CATSPER3: variants seen among roughly 807,000 people sequenced by gnomAD.
The protein encoded by CATSPER3 is cation channel sperm associated 3, also known as cation channel sperm-associated protein 3.
A neutral mutation model predicts 36.6 loss-of-function variants in CATSPER3; 23 were observed. The ratio of observed to expected loss-of-function variants is 0.63; its 90% CI spans 0.45 to 0.89. CATSPER3 has a LOEUF of 0.89. Ranked by LOEUF, CATSPER3 falls within the 40% of genes least tolerant of loss-of-function variation. The probability of loss-of-function intolerance (pLI) is 0.00; values close to 1 mark genes in which losing one functional copy is unlikely to be tolerated. For missense variants in CATSPER3, 474 were observed against 503.9 expected (o/e 0.94, Z 0.57); for synonymous variants, 172 against 184.1 (o/e 0.93, Z 0.53).
intron 2 of CATSPER3, chr5:134,995,967 A>G (rs953067674): frequency 6.7e-6 from 3 of 445,356 alleles, no homozygotes; most frequent in Non-Finnish European, 1.3e-5. Context: ...CCCTTGGGAA[A>G]CCTTATATTC....
intron 4 of CATSPER3, among the ~76,000 whole-genome samples, chr5:135,008,619 C>A (rs968891911): frequency 6.6e-6 from 1 of 152,158 alleles, no homozygotes; most frequent in Non-Finnish European, 1.5e-5. Context: ...AGAAAAGAGA[C>A]CTCGAGGCAT....
At position 134,970,047 on chromosome 5, in the gene CATSPER3, G is replaced by A. The variant is rs773924046; in HGVS notation, c.207G>A (p.Leu69=). The change falls in exon 2 of 8, where the codon TTG becomes TTA. Residue 69 remains leucine (L), a synonymous_variant. Coordinates refer to ENST00000282611, the MANE Select transcript of CATSPER3 (RefSeq NM_178019.3). ...CATCGAATGCGTTTTTTATGGCCTT[G>A]TGGACCAGTTATGACATAAGGTACC... ...TVTSNAFFMA[L]WTSYDIRYRL... 7.4e-6 allele frequency: 12 copies of A among 1,613,954 alleles called. No homozygotes were observed. Among genetic ancestry groups the A allele is most frequent in the Non-Finnish European group, 1.0e-5 (12 of 1,180,000 alleles).
chr5:135,003,027 C>T (rs1405566219), intron 3 of CATSPER3, among the ~76,000 whole-genome samples: 1 of 152,218 alleles, frequency 6.6e-6, no homozygotes, highest in Non-Finnish European at 1.5e-5. Context: ...GGGACAGGTG[C>T]TCTGATTTTT....
Position 135,003,707 on chromosome 5 carries a change from G to A in CATSPER3, c.493-4250G>A, listed in dbSNP as rs184489803. The stretch of plus-strand genomic sequence containing the variant: ...CCTTGCAGTTCAATCTCAGACTGCT[G>A]TGCTAGCAATAAGCAAGTCTCCGTG... On this transcript the variant is annotated intron_variant, in intron 3 of 7. Transcript: ENST00000282611. Among the ~76,000 whole-genome samples, 252 of 152,364 alleles carry A rather than the reference G, an allele frequency of 1.7e-3. 1 individual carries two copies. The highest frequency in any genetic ancestry group is 3.1e-3 in the Non-Finnish European group (214 of 68,032).
At chr5:134,978,585 T>G (rs1751709584) in intron 2 of CATSPER3, among the ~76,000 whole-genome samples, 1 of 152,136 alleles carries the variant, frequency 6.6e-6, no homozygotes, top group Admixed American at 6.5e-5. Flanking sequence ...CCACTCCTAT[T>G]TAACATCATA....
intron 2 of CATSPER3, among the ~76,000 whole-genome samples, chr5:134,989,430 G>A (rs1355478727): frequency 6.6e-6 from 1 of 152,210 alleles, no homozygotes; most frequent in African/African-American, 2.4e-5. Flanking sequence ...TTGAAAATCT[G>A]TGGTTGAGTG....
chr5:135,003,692 C>T (rs993743972), intron 3 of CATSPER3, among the ~76,000 whole-genome samples: 5 of 152,224 alleles, frequency 3.3e-5, no homozygotes, highest in African/African-American at 1.2e-4. Context: ...CCTTGCAGTT[C>T]AATCTCAGAC....
intron 2 of CATSPER3, among the ~76,000 whole-genome samples, chr5:134,983,786 T>A (rs1355623060): frequency 2.6e-5 from 4 of 152,140 alleles, no homozygotes; most frequent in African/African-American, 9.7e-5. Flanking sequence ...GATTATATAT[T>A]AGACCATACA....
chr5:134,981,079 C>T (rs1297228281), intron 2 of CATSPER3, among the ~76,000 whole-genome samples: 1 of 151,178 alleles, frequency 6.6e-6, no homozygotes, highest in African/African-American at 2.4e-5. Context: ...TTTCTTTCTT[C>T]CTCTTTCCTC....
rs559586039 is a variant in CATSPER3, at chr5:135,011,677, A to T, written c.*54A>T. ...GCCTTGCAGACCATGACAGGTCCCT[A>T]TTAAACACAGGCTTTCTGAGTTGTC... On this transcript the variant is annotated 3_prime_UTR_variant, in exon 8 of 8. Coordinates refer to ENST00000282611, the MANE Select transcript of CATSPER3 (RefSeq NM_178019.3). 8.2e-7 allele frequency: 1 copy of T among 1,212,976 alleles called. No homozygotes were observed. The highest frequency in any genetic ancestry group is 2.4e-5 in the East Asian group (1 of 41,742). 75.1% of individuals were successfully genotyped at this position (1,212,976 alleles called of 1,614,324 possible).
chr5:135,010,297 G>T, intron 6 of CATSPER3, 76 bp from the exon 7 acceptor site: 2 of 1,325,214 alleles, frequency 1.5e-6, no homozygotes, highest in Non-Finnish European at 1.1e-6. Flanking sequence ...GGCCCATCCT[G>T]GAGAGTCTCC....
At chr5:134,981,168 CT>C (rs2149547312) in intron 2 of CATSPER3, among the ~76,000 whole-genome samples, 1 of 147,760 alleles carries the variant, frequency 6.8e-6, no homozygotes, top group East Asian at 2.0e-4. Context: ...CCCTTTTTTC[CT>C]TCTTTCTTTT....
At chr5:134,982,462 T>A (rs1751761853) in intron 2 of CATSPER3, among the ~76,000 whole-genome samples, 1 of 152,156 alleles carries the variant, frequency 6.6e-6, no homozygotes, top group Admixed American at 6.5e-5. Context: ...GATAAGCAAG[T>A]TGTCACATAC....
At chr5:135,011,169 G>A (rs1752175953) in intron 7 of CATSPER3, among the ~76,000 whole-genome samples, 3 of 152,224 alleles carry the variant, frequency 2.0e-5, no homozygotes, top group Admixed American at 2.0e-4. Context: ...CTCAATGAAA[G>A]CTGCTTGGAG....
At chr5:134,995,839 AAC>A (rs1400475514) in intron 2 of CATSPER3, 20 of 249,494 alleles carry the variant, frequency 8.0e-5, no homozygotes, top group African/African-American at 3.5e-4. Flanking sequence ...ATTCTTCAGA[AAC>A]AGATTGAATA....
At chr5:134,972,171 A>T (rs182734419) in intron 2 of CATSPER3, among the ~76,000 whole-genome samples, 14 of 152,340 alleles carry the variant, frequency 9.2e-5, no homozygotes, top group Admixed American at 5.2e-4. Context: ...CTGAGCACTG[A>T]CGTGACACTC....
chr5:135,008,144 T>C lies in CATSPER3; in HGVS notation c.675+5T>C, dbSNP rs767934057. On this transcript the variant is annotated splice_donor_5th_base_variant and intron_variant, in intron 4 of 7. Transcript: ENST00000282611. The stretch of plus-strand genomic sequence containing the variant: ...ACCCTCTTCAGCTTGGCCACGGTAC[T>C]GTGTTTGGGAACAGTGGTGAGGGCA... The C allele has an allele frequency of 6.2e-7, 1 of 1,613,292 alleles. No homozygotes were observed. The highest frequency in any genetic ancestry group is 1.7e-5 in the Admixed American group (1 of 60,026).
intron 4 of CATSPER3, among the ~76,000 whole-genome samples, chr5:135,008,441 A>G (rs1383684158): frequency 1.3e-5 from 2 of 152,214 alleles, no homozygotes; most frequent in Admixed American, 1.3e-4. Flanking sequence ...AATGAAACCC[A>G]TGTCATATAG....
At chr5:134,970,162 A>AT (rs530032277) in intron 2 of CATSPER3, 70 bp downstream of exon 2, 125,386 of 1,192,634 alleles carry the variant, frequency 0.11, 659 homozygotes, top group South Asian at 0.22. Context: ...ACATTATAAG[A>AT]TTTTTTTTTT....
Sources: allele counts gnomAD v4.1 joint callset (sites outside exome capture counted in the v4.1 genomes callset), GRCh38; gene constraint gnomAD v4.1.1; transcripts MANE v1.5; gene names NCBI Gene and HGNC (gene_info 2026-07-23, HGNC 2026-07-21).